The following ZNF423 variants were observed in gnomAD, a reference collection of about 807,000 sequenced individuals.
ZNF423 encodes zinc finger protein 423.
Under a neutral mutation model 95.8 loss-of-function variants are expected in ZNF423, and 12 were observed. That is an observed-to-expected ratio of 0.13 (90% CI 0.08 to 0.20). The LOEUF is 0.20. Among genes scored for constraint, ZNF423 ranks in the 10% least tolerant of loss-of-function variants. The pLI is 1.00. For missense variants in ZNF423, 1,316 were observed against 1,737.1 expected, an observed-to-expected ratio of 0.76 and a Z score of 4.31; for synonymous variants, 749 against 711.9, an observed-to-expected ratio of 1.05 and a Z score of -0.83.
chr16:49,516,107 G>T (rs538523926), intron 7 of ZNF423, among the ~76,000 whole-genome samples: 2 of 152,212 alleles, frequency 1.3e-5, no homozygotes, highest in African/African-American at 2.4e-5. Flanking sequence ...GGTCAAAGGC[G>T]CTCAGAGAAG....
At chr16:49,848,303 G>A (rs568472269) in intron 1 of ZNF423, among the ~76,000 whole-genome samples, 21 of 152,288 alleles carry the variant, frequency 1.4e-4, no homozygotes, top group Admixed American at 9.8e-4. Context: ...AGGCATGACA[G>A]CTGGGGATCC....
chr16:49,516,221 G>A (rs1968137973), intron 7 of ZNF423, among the ~76,000 whole-genome samples: 1 of 152,190 alleles, frequency 6.6e-6, no homozygotes, highest in Non-Finnish European at 1.5e-5. Context: ...ATGCCCCAAT[G>A]TGGGGTCTCC....
At chr16:49,634,523 C>G (rs1972613993) in intron 4 of ZNF423, among the ~76,000 whole-genome samples, 1 of 152,050 alleles carries the variant, frequency 6.6e-6, no homozygotes, top group African/African-American at 2.4e-5. Context: ...CTTCTCTCCC[C>G]CTCTGCCCTC....
intron 3 of ZNF423, among the ~76,000 whole-genome samples, chr16:49,640,535 G>T (rs1170309180): frequency 6.6e-6 from 1 of 152,148 alleles, no homozygotes; most frequent in Non-Finnish European, 1.5e-5. Context: ...CTGATTGGGG[G>T]GTCTTGAGGG....
At chr16:49,700,403 G>A (rs949260318) in intron 3 of ZNF423, among the ~76,000 whole-genome samples, 5 of 152,144 alleles carry the variant, frequency 3.3e-5, no homozygotes, top group South Asian at 2.1e-4. Flanking sequence ...AGCAGAAAAG[G>A]CCCCTCCTGA....
At chr16:49,691,327 C>G (rs1300807872) in intron 3 of ZNF423, among the ~76,000 whole-genome samples, 2 of 152,210 alleles carry the variant, frequency 1.3e-5, no homozygotes, top group Non-Finnish European at 2.9e-5. Context: ...AGAACTTGGG[C>G]TGTTTGATCA....
At chr16:49,573,061 C>T (rs995751329) in intron 5 of ZNF423, among the ~76,000 whole-genome samples, 5 of 151,988 alleles carry the variant, frequency 3.3e-5, no homozygotes, top group Middle Eastern at 3.2e-3. Context: ...AGCAAATGGG[C>T]GAGTGAATGG....
At chr16:49,678,463 C>T (rs1456805587) in intron 3 of ZNF423, among the ~76,000 whole-genome samples, 2 of 152,106 alleles carry the variant, frequency 1.3e-5, no homozygotes, top group African/African-American at 2.4e-5. Flanking sequence ...TCCCTGTCCT[C>T]GTGGAGTTGA....
chr16:49,677,359 G>A (rs1175029796), intron 3 of ZNF423, among the ~76,000 whole-genome samples: 3 of 27,726 alleles, frequency 1.1e-4, no homozygotes, highest in Admixed American at 2.5e-4. Context: ...GGGAGGGGAG[G>A]GAAGGGGAGG....
At chr16:49,715,153 A>G (rs1257421005) in intron 3 of ZNF423, among the ~76,000 whole-genome samples, 1 of 152,238 alleles carries the variant, frequency 6.6e-6, no homozygotes, top group Non-Finnish European at 1.5e-5. Flanking sequence ...GAGACAGCAC[A>G]GGACGGGACT....
intron 5 of ZNF423, among the ~76,000 whole-genome samples, chr16:49,531,281 C>A (rs528498543): frequency 1.3e-5 from 2 of 151,408 alleles, no homozygotes; most frequent in African/African-American, 2.4e-5. Context: ...CTGCGGCCTG[C>A]GCATCTAGTA....
intron 1 of ZNF423, among the ~76,000 whole-genome samples, chr16:49,800,825 C>T (rs957097704): frequency 2.0e-5 from 3 of 152,178 alleles, no homozygotes; most frequent in East Asian, 3.9e-4. Context: ...GAATCCCAGG[C>T]CAGGGCAGAT....
intron 2 of ZNF423, among the ~76,000 whole-genome samples, chr16:49,747,524 G>A (rs1474634460): frequency 6.6e-6 from 1 of 152,190 alleles, no homozygotes; most frequent in Admixed American, 6.5e-5. Flanking sequence ...ACAGGGAAGT[G>A]ATGAATGCCA....
intron 1 of ZNF423, among the ~76,000 whole-genome samples, chr16:49,853,097 A>G (rs1052968788): frequency 2.0e-5 from 3 of 152,226 alleles, no homozygotes; most frequent in Non-Finnish European, 2.9e-5. Flanking sequence ...GGGCCGGGGA[A>G]GTCCACAAAG....
chr16:49,541,992 A>T (rs1252775462), intron 5 of ZNF423, among the ~76,000 whole-genome samples: 2 of 152,208 alleles, frequency 1.3e-5, no homozygotes, highest in Non-Finnish European at 2.9e-5. Context: ...ACACTACAAT[A>T]AAAGCTTTTT....
Position 49,681,723 on chromosome 16 carries a change from G to A in ZNF423, c.302-42849C>T, listed in dbSNP as rs376318261. ...TGCCCATGGGTTCCTGGAGGCTGCA[G>A]GGATCTGAATGCTGGCTTCCTGGCC... On this transcript the variant is annotated intron_variant, in intron 3 of 7. Transcript: ENST00000563137. 3.3e-5 allele frequency among the ~76,000 whole-genome samples: 5 copies of A among 152,278 alleles called. 1 individual carries two copies. The highest frequency in any genetic ancestry group is 1.2e-4 in the African/African-American group (5 of 41,558).
intron 4 of ZNF423, among the ~76,000 whole-genome samples, chr16:49,630,212 A>G (rs926466125): frequency 7.9e-5 from 12 of 152,264 alleles, no homozygotes; most frequent in Middle Eastern, 3.4e-3. Context: ...CTAGGCCACA[A>G]GGAGACTACA....
Position 49,674,775 on chromosome 16 carries a change from C to G in ZNF423, c.302-35901G>C, listed in dbSNP as rs142835232. ...GATGGGAAGGCAGGGAAGAGGGCAC[C>G]AGGGGACTCTGCGGTCTGAGTGAGA... On this transcript the variant is annotated intron_variant, in intron 3 of 7. Coordinates refer to ENST00000563137, the MANE Select transcript of ZNF423 (RefSeq NM_001379286.1). Among the ~76,000 whole-genome samples the G allele has an allele frequency of 2.6e-4, 39 of 152,260 alleles. No homozygotes were observed. In the East Asian group the frequency reaches 7.5e-3, roughly 29 times the overall value.
chr16:49,678,524 G>T (rs1464968317), intron 3 of ZNF423, among the ~76,000 whole-genome samples: 1 of 152,202 alleles, frequency 6.6e-6, no homozygotes, highest in African/African-American at 2.4e-5. Context: ...GACTGGGCAA[G>T]ATGTCAGGGA....
Sources: allele counts gnomAD v4.1 joint callset (sites outside exome capture counted in the v4.1 genomes callset), GRCh38; gene constraint gnomAD v4.1.1; transcripts MANE v1.5; gene names NCBI Gene and HGNC (gene_info 2026-07-23, HGNC 2026-07-21).